Variants in RFTN1 observed in about 807,000 individuals in gnomAD.
RFTN1 encodes raftlin, lipid raft linker 1, also known as raftlin.
In RFTN1, 26 loss-of-function variants were observed where a neutral mutation model predicts 46.5. That is an observed-to-expected ratio of 0.56 (90% CI 0.41 to 0.78). The LOEUF is 0.78. RFTN1 is among the 30% of genes least tolerant of loss of function. The pLI is 0.00. For missense variants in RFTN1, 693 were observed against 718.7 expected (o/e 0.96, Z 0.41); for synonymous variants, 261 against 284.2 (o/e 0.92, Z 0.82).
chr3:16,508,696 G>GCA (rs3029330), intron 1 of RFTN1, among the ~76,000 whole-genome samples: 1,010 of 65,724 alleles, frequency 0.015, 7 homozygotes, highest in African/African-American at 0.035. Flanking sequence ...TCACACGCAC[G>GCA]CACACACACA....
chr3:16,463,081 G>A (rs1402362112), intron 2 of RFTN1, among the ~76,000 whole-genome samples: 1 of 152,226 alleles, frequency 6.6e-6, no homozygotes, highest in Non-Finnish European at 1.5e-5. Context: ...CAATGCCAGT[G>A]TGTTGTTTGT....
chr3:16,444,128 A>G (rs2075683593), intron 2 of RFTN1, among the ~76,000 whole-genome samples: 1 of 152,260 alleles, frequency 6.6e-6, no homozygotes, highest in African/African-American at 2.4e-5. Context: ...AAACTCATCC[A>G]TACCAAATCC....
At chr3:16,398,656 T>G (rs2074532071) in intron 4 of RFTN1, among the ~76,000 whole-genome samples, 1 of 152,116 alleles carries the variant, frequency 6.6e-6, no homozygotes, top group Admixed American at 6.5e-5. Flanking sequence ...AGCTCCCAGG[T>G]TGGCCTACAA....
chr3:16,493,747 C>T lies in RFTN1; in HGVS notation c.123G>A (p.Leu41=), dbSNP rs376370658. Residue 41 remains leucine, a synonymous_variant, in exon 2 of 10, where the codon CTG becomes CTA. Coordinates refer to ENST00000334133, the MANE Select transcript of RFTN1 (RefSeq NM_015150.2). ...CACCAGCACTCAGAGTCGTGAACTC[C>T]AGGAAGCGGTATTCATAGGACACAT... ...KIDVSYEYRF[L]EFTTLSAAEL... The T allele has an allele frequency of 1.6e-5, 26 of 1,613,744 alleles. No individual in the cohort carries two copies. The highest frequency in any genetic ancestry group is 2.0e-5 in the Non-Finnish European group (24 of 1,179,988).
intron 2 of RFTN1, among the ~76,000 whole-genome samples, chr3:16,491,205 G>T (rs755386993): frequency 3.9e-5 from 6 of 152,086 alleles, no homozygotes; most frequent in Non-Finnish European, 8.8e-5. Flanking sequence ...AGAGAAGGGG[G>T]TTAAGAAGAT....
In RFTN1 at chr3:16,361,862, A is replaced by C. The variant is rs2072854382; in HGVS notation, c.1031-3815T>G. ...CCCAGTTAGCCAGTTGGTTCTAGGG[A>C]GATGAAGGACAAATGGAGCAGAGCT... On this transcript the variant is annotated intron_variant, in intron 6 of 9. Transcript: ENST00000334133. This position sits in a 1 kb window ranked among gnomAD's most constrained non-coding sequence, Gnocchi z 4.3. Among the ~76,000 whole-genome samples the C allele has an allele frequency of 6.6e-6, 1 of 152,166 alleles. No individual in the cohort carries two copies.
intron 1 of RFTN1, among the ~76,000 whole-genome samples, chr3:16,495,635 G>T (rs935548100): frequency 6.6e-6 from 1 of 152,244 alleles, no homozygotes; most frequent in Non-Finnish European, 1.5e-5. Context: ...AAGAGCAAAG[G>T]CATGGAGGCA....
Position 16,443,152 on chromosome 3 carries a change from T to C in RFTN1, c.146-9115A>G, listed in dbSNP as rs2075663944. On this transcript the variant is annotated intron_variant, in intron 2 of 9. Transcript: ENST00000334133. The surrounding 1 kb of genome is among the most constrained non-coding windows in gnomAD (Gnocchi z 5.5). Reference sequence around the variant, plus strand: ...TAATTTTTGATGAACCTCCATATTGTTTTCTATAATGGCTGTACTAGTTTA... The same window carrying C: ...TAATTTTTGATGAACCTCCATATTGCTTTCTATAATGGCTGTACTAGTTTA... 6.6e-6 allele frequency among the ~76,000 whole-genome samples: 1 copy of C among 152,244 alleles called. No individual in the cohort carries two copies. Among genetic ancestry groups the C allele is most frequent in the Admixed American group, 6.5e-5 (1 of 15,282 alleles).
At chr3:16,463,757 C>T (rs2076044413) in intron 2 of RFTN1, among the ~76,000 whole-genome samples, 2 of 152,182 alleles carry the variant, frequency 1.3e-5, no homozygotes, top group Non-Finnish European at 2.9e-5. Context: ...GAATACCAGA[C>T]ATCATGTATT....
chr3:16,412,942 A>G (rs1371463235), intron 3 of RFTN1, among the ~76,000 whole-genome samples: 2 of 152,222 alleles, frequency 1.3e-5, no homozygotes, highest in Non-Finnish European at 2.9e-5. Flanking sequence ...TCCTCAGTTG[A>G]GCCTCTGATG....
rs1054441571 is a variant in RFTN1 at position 16,352,321 on chromosome 3, G to T, written c.1146+5611C>A. Among the ~76,000 whole-genome samples, 1 of 152,186 alleles carries T rather than the reference G, an allele frequency of 6.6e-6. No individual in the cohort carries two copies. The highest frequency in any genetic ancestry group is 2.4e-5 in the African/African-American group (1 of 41,438). On this transcript the variant is annotated intron_variant, in intron 7 of 9. Coordinates refer to ENST00000334133, the MANE Select transcript of RFTN1 (RefSeq NM_015150.2). This position sits in a 1 kb window ranked among gnomAD's most constrained non-coding sequence, Gnocchi z 4.6. ...TGGTGGTGTCTATAAGCTCTGATGG[G>T]CTGTCAGGCTCAAAGATAAACAGAT...
rs1042869277 is a variant in RFTN1, at chr3:16,341,210, C to T, written c.1147-14334G>A. On this transcript the variant is annotated intron_variant, in intron 7 of 9. Coordinates refer to ENST00000334133, the MANE Select transcript of RFTN1 (RefSeq NM_015150.2). This position sits in a 1 kb window ranked among gnomAD's most constrained non-coding sequence, Gnocchi z 4.7. ...CAACTCTCGTTCACTGTGGTGGGGA[C>T]GCAAAATAGTACAGCCACTACAGAA... 1.3e-4 allele frequency among the ~76,000 whole-genome samples: 20 copies of T among 152,124 alleles called. No individual in the cohort carries two copies. The highest frequency in any genetic ancestry group is 3.4e-4 in the African/African-American group (14 of 41,418).
At chr3:16,363,757 C>T (rs1012245579) in intron 6 of RFTN1, among the ~76,000 whole-genome samples, 2 of 152,192 alleles carry the variant, frequency 1.3e-5, no homozygotes, top group African/African-American at 4.8e-5. Context: ...AGATTGTCCA[C>T]CCTGGACTAG....
chr3:16,402,987 C>A lies in RFTN1; in HGVS notation c.441+6388G>T, dbSNP rs190426159. Among the ~76,000 whole-genome samples, 1 of 152,266 alleles carries A rather than the reference C, an allele frequency of 6.6e-6. No individual in the cohort carries two copies. Among genetic ancestry groups the A allele is most frequent in the Admixed American group, 6.5e-5 (1 of 15,290 alleles). On this transcript the variant is annotated intron_variant, in intron 4 of 9. Coordinates refer to ENST00000334133, the MANE Select transcript of RFTN1 (RefSeq NM_015150.2). This position sits in a 1 kb window ranked among gnomAD's most constrained non-coding sequence, Gnocchi z 4.5. ...CTGAGGGCCTGAAGGCAAAGGCCAC[C>A]ATGTCTTATCTGGACAAGGGCAGGG... is the stretch of plus-strand genomic sequence containing the variant.
Position 16,317,251 on chromosome 3 carries a change from G to A in RFTN1, c.1333-19C>T, listed in dbSNP as rs778137832. On this transcript the variant is annotated intron_variant, in intron 9 of 9. Coordinates refer to ENST00000334133, the MANE Select transcript of RFTN1 (RefSeq NM_015150.2). This position sits in a 1 kb window ranked among gnomAD's most constrained non-coding sequence, Gnocchi z 4.3. ...ACTGAAACTAGAAATCAGAAAGGAT[G>A]GGGATAAATAACAAGCCTCCGGGAA... 6 of 1,608,498 alleles carry A rather than the reference G, an allele frequency of 3.7e-6. No individual in the cohort carries two copies. In the African/African-American group the frequency reaches 8.0e-5, roughly 22 times the overall value.
At chr3:16,486,587 T>A (rs1391450365) in intron 2 of RFTN1, among the ~76,000 whole-genome samples, 1 of 152,218 alleles carries the variant, frequency 6.6e-6, no homozygotes. Flanking sequence ...AACAGCCAAC[T>A]GTCCCTGGCA....
intron 2 of RFTN1, among the ~76,000 whole-genome samples, chr3:16,437,078 C>T (rs986909625): frequency 1.3e-5 from 2 of 152,304 alleles, no homozygotes; most frequent in Admixed American, 1.3e-4. Flanking sequence ...TCAAGTCTTC[C>T]TTTGGGTCCC....
At chr3:16,363,449 T>C (rs1275169792) in intron 6 of RFTN1, among the ~76,000 whole-genome samples, 2 of 152,250 alleles carry the variant, frequency 1.3e-5, no homozygotes, top group East Asian at 3.8e-4. Context: ...GCTGGTCTTT[T>C]GGCAAAAGGC....
rs1467279733 is a variant in RFTN1, at chr3:16,345,818, GCGCGCGCGCGTGCGCGCACGCGCACA to G, written c.1146+12088_1146+12113del. On this transcript the variant is annotated intron_variant, in intron 7 of 9. Coordinates refer to ENST00000334133, the MANE Select transcript of RFTN1 (RefSeq NM_015150.2). This position sits in a 1 kb window ranked among gnomAD's most constrained non-coding sequence, Gnocchi z 5.2. ...TGTGTGTGTGTGTGTGTGTGTGTGT[GCGCGCGCGCGTGCGCGCACGCGCACA>G]TGTGCATGTGTATGTGTATAATCTC... 0.019 allele frequency among the ~76,000 whole-genome samples: 1,199 copies of G among 61,630 alleles called. 22 individuals are homozygous for G. Among genetic ancestry groups the G allele is most frequent in the East Asian group, 0.12 (291 of 2,482 alleles). 40.4% of individuals were successfully genotyped at this position (61,630 alleles called of 152,430 possible). A position where few individuals can be genotyped will look rare whatever the true frequency, so the allele number is the denominator to read the frequency against.
Sources: gnomAD v4.1 joint callset for allele counts (sites outside exome capture counted in the v4.1 genomes callset) on GRCh38, gnomAD v4.1.1 for gene constraint, Gnocchi (gnomAD v3.1) non-coding constraint, MANE v1.5 for transcripts, NCBI Gene and HGNC (gene_info 2026-07-23, HGNC 2026-07-21) for gene names.